The following CPNE7 variants were observed in gnomAD, a reference collection of about 807,000 sequenced individuals.
The protein encoded by CPNE7 is copine-7.
In CPNE7, 78 loss-of-function variants were observed where a neutral mutation model predicts 66.5. That is an observed-to-expected ratio of 1.17 (90% CI 0.98 to 1.42). The LOEUF (loss-of-function observed/expected upper bound fraction) is 1.42. Ranked by LOEUF, CPNE7 falls within the 40% of genes most tolerant of loss-of-function variation. CPNE7 has a pLI of 0.00. For missense variants in CPNE7, 1,012 were observed against 776.6 expected, an observed-to-expected ratio of 1.30 and a Z score of -3.60; for synonymous variants, 468 against 336.7, an observed-to-expected ratio of 1.39 and a Z score of -4.27.
At position 89,596,764 on chromosome 16, in the gene CPNE7, A is replaced by G. The variant is rs1011600846; in HGVS notation, c.*143A>G. Reference sequence around the variant, plus strand: ...AGGCCCCACTCCCAGTCCTCCTGGGATCCTGCTGGCTTGGGCCCGGCTCTG... The same window carrying G: ...AGGCCCCACTCCCAGTCCTCCTGGGGTCCTGCTGGCTTGGGCCCGGCTCTG... On this transcript the variant is annotated 3_prime_UTR_variant, in exon 15 of 15. Coordinates refer to ENST00000319518, the MANE Select transcript of CPNE7 (RefSeq NM_153636.3). 8.1e-6 allele frequency: 9 copies of G among 1,113,960 alleles called. No individual in the cohort carries two copies. The African/African-American group carries it at 1.1e-4, about 14-fold the overall frequency. The allele number at this position is 1,113,960 out of a possible 1,614,324, so 69.0% of individuals were successfully genotyped here.
At chr16:89,592,568 G>A (rs1378034362) in intron 13 of CPNE7, among the ~76,000 whole-genome samples, 25 of 147,214 alleles carry the variant, frequency 1.7e-4, no homozygotes, top group African/African-American at 6.0e-4. Context: ...TCAGCCTCCC[G>A]AGTAGCTGGG....
At chr16:89,578,716 C>T (rs1345206132) in intron 2 of CPNE7, 1 of 1,263,234 alleles carries the variant, frequency 7.9e-7, no homozygotes, top group Non-Finnish European at 1.0e-6. Context: ...GTGGAGATCT[C>T]ACCACTGCAC....
At position 89,584,746 on chromosome 16, in the gene CPNE7, G is replaced by C. The variant is rs761795396; in HGVS notation, c.508-28G>C. ...CCAAAGCCCGATCTCACAGTGCCTG[G>C]CCCAGCAGCCCTTGTGCCTCTCCCC... On this transcript the variant is annotated intron_variant, in intron 4 of 14. Transcript: ENST00000319518. The surrounding 1 kb of genome is among the most constrained non-coding windows in gnomAD (Gnocchi z 6.0). 7.6e-6 allele frequency: 12 copies of C among 1,575,298 alleles called. No homozygotes were observed. The South Asian group carries it at 1.2e-4, about 16-fold the overall frequency.
rs766728645 is a variant in CPNE7 at position 89,576,010 on chromosome 16, C to G, written c.113C>G (p.Pro38Arg). The G allele has an allele frequency of 2.2e-6, 3 of 1,373,402 alleles. No homozygotes were observed. The South Asian group carries it at 4.9e-5, about 22-fold the overall frequency. 85.1% of individuals were successfully genotyped at this position (1,373,402 alleles called of 1,614,324 possible). A position where few individuals can be genotyped will look rare whatever the true frequency, so the allele number is the denominator to read the frequency against. Residue 38 changes from proline to arginine, a missense_variant, in exon 1 of 15, where the codon CCG (proline) becomes CGG (arginine). Transcript: ENST00000319518. ...TGCCGGCACCTGCTGGACCGCGACC[C>G]GCTCACCAAGTCCGACCCCAGCGTG... ...LSCRHLLDRD[P>R]LTKSDPSVAL...
At position 89,589,888 on chromosome 16, in the gene CPNE7, C is replaced by A; in HGVS notation, c.1062-9C>A. 6.2e-7 allele frequency: 1 copy of A among 1,613,774 alleles called. No homozygotes were observed. Among genetic ancestry groups the A allele is most frequent in the South Asian group, 1.1e-5 (1 of 91,074 alleles). On this transcript the variant is annotated splice_polypyrimidine_tract_variant and intron_variant, in intron 10 of 14. Coordinates refer to ENST00000319518, the MANE Select transcript of CPNE7 (RefSeq NM_153636.3). ...AGGGCCTCCTGGTGACCTCCTGCCT[C>A]TCTTCCAGTGACAAGAGGTTTTCCG... is the stretch of plus-strand genomic sequence containing the variant.
intron 2 of CPNE7, among the ~76,000 whole-genome samples, chr16:89,582,747 C>T (rs1318967095): frequency 1.3e-5 from 2 of 152,238 alleles, no homozygotes; most frequent in Non-Finnish European, 2.9e-5. Flanking sequence ...GGAGGGACTG[C>T]CCCTCTCTGC....
At chr16:89,583,008 C>G (rs1444822558) in intron 2 of CPNE7, among the ~76,000 whole-genome samples, 2 of 152,264 alleles carry the variant, frequency 1.3e-5, no homozygotes, top group African/African-American at 4.8e-5. Flanking sequence ...CTGCAGGGGC[C>G]TGGGCCTGTC....
In CPNE7 at chr16:89,584,241, G is replaced by C; in HGVS notation, c.507+139G>C. 1.2e-6 allele frequency: 1 copy of C among 832,568 alleles called. No individual in the cohort carries two copies. The highest frequency in any genetic ancestry group is 2.7e-5 in the East Asian group (1 of 36,808). 51.6% of individuals were successfully genotyped at this position (832,568 alleles called of 1,614,324 possible). A position where few individuals can be genotyped will look rare whatever the true frequency, so the allele number is the denominator to read the frequency against. On this transcript the variant is annotated intron_variant, in intron 4 of 14. Coordinates refer to ENST00000319518, the MANE Select transcript of CPNE7 (RefSeq NM_153636.3). The surrounding 1 kb of genome is among the most constrained non-coding windows in gnomAD (Gnocchi z 6.0). ...GCGGAGTGTGCCTGGGGCTGGGCGT[G>C]CTGCCGTCACGGTCGCCATCATCAC...
intron 9 of CPNE7, among the ~76,000 whole-genome samples, chr16:89,588,357 TA>T (rs2059117078): frequency 6.6e-6 from 1 of 152,166 alleles, no homozygotes; most frequent in Non-Finnish European, 1.5e-5. Flanking sequence ...TTGGTCCACT[TA>T]GGCCCTGCCG....
rs751806482 is a variant in CPNE7 at position 89,584,768 on chromosome 16, C to A, written c.508-6C>A. ...CTGGCCCAGCAGCCCTTGTGCCTCT[C>A]CCCAGGACCTCTTCAGCAAGTCCGA... On this transcript the variant is annotated splice_polypyrimidine_tract_variant and splice_region_variant and intron_variant, in intron 4 of 14. Coordinates refer to ENST00000319518, the MANE Select transcript of CPNE7 (RefSeq NM_153636.3). This position sits in a 1 kb window ranked among gnomAD's most constrained non-coding sequence, Gnocchi z 6.0. 3 of 1,595,166 alleles carry A rather than the reference C, an allele frequency of 1.9e-6. No homozygotes were observed. The highest frequency in any genetic ancestry group is 2.7e-5 in the African/African-American group (2 of 73,724).
chr16:89,585,390 C>T (rs2059017984), intron 5 of CPNE7, 74 bp from the exon 6 acceptor site: 4 of 1,044,582 alleles, frequency 3.8e-6, no homozygotes, highest in Admixed American at 3.8e-5. Flanking sequence ...GCTGCTCTTC[C>T]ACCCAGGTCT....
At chr16:89,592,385 C>G (rs1318169630) in intron 13 of CPNE7, among the ~76,000 whole-genome samples, 1 of 151,526 alleles carries the variant, frequency 6.6e-6, no homozygotes, top group African/African-American at 2.4e-5. Flanking sequence ...CCAACAGCTG[C>G]TCACACATTG....
chr16:89,596,702 G>T lies in CPNE7; in HGVS notation c.*81G>T, dbSNP rs992031599. 7.1e-7 allele frequency: 1 copy of T among 1,411,258 alleles called. No homozygotes were observed. Among genetic ancestry groups the T allele is most frequent in the South Asian group, 1.5e-5 (1 of 66,130 alleles). 87.4% of individuals were successfully genotyped at this position (1,411,258 alleles called of 1,614,324 possible). ...CTGCAACATGCTTGGGGTCCCTTAA[G>T]CTCCCTCCGACCTCCCAGAAGCCTC... On this transcript the variant is annotated 3_prime_UTR_variant, in exon 15 of 15. Transcript: ENST00000319518.
chr16:89,595,604 G>C lies in CPNE7; in HGVS notation c.1539+1G>C, dbSNP rs200107154. On this transcript the variant is annotated splice_donor_variant, in intron 14 of 14. Transcript: ENST00000319518. LOFTEE classifies it high-confidence loss of function. ...CGTGCCCTTCCGGGAGCTCAAGAACGTGAGTGTCCTGGAGGGGCTCCGTCA... is the reference window on the plus strand; with the variant it reads ...CGTGCCCTTCCGGGAGCTCAAGAACCTGAGTGTCCTGGAGGGGCTCCGTCA... 3.1e-6 allele frequency: 5 copies of C among 1,599,396 alleles called. No homozygotes were observed. The South Asian group carries it at 4.4e-5, about 14-fold the overall frequency.
In CPNE7 at chr16:89,595,513, G is replaced by A. The variant is rs1490737246; in HGVS notation, c.1449G>A (p.Leu483=). The stretch of plus-strand genomic sequence containing the variant: ...CCGACTTCACCGACATGCAGGTCCT[G>A]GACGGCGACGACGGCGTCCTGCGCT... ...GNADFTDMQV[L]DGDDGVLRSP... Residue 483 remains leucine, a synonymous_variant, in exon 14 of 15, where the codon CTG becomes CTA. Coordinates refer to ENST00000319518, the MANE Select transcript of CPNE7 (RefSeq NM_153636.3). 2.5e-6 allele frequency: 4 copies of A among 1,612,654 alleles called. No homozygotes were observed. The highest frequency in any genetic ancestry group is 1.7e-5 in the Admixed American group (1 of 60,002).
chr16:89,583,326 A>G, intron 2 of CPNE7: 4 of 969,930 alleles, frequency 4.1e-6, no homozygotes, highest in Non-Finnish European at 6.4e-6. Flanking sequence ...GGAGAGGGTC[A>G]GGGCAGCCCT....
chr16:89,595,878 C>T (rs527338931), intron 14 of CPNE7: 28 of 609,400 alleles, frequency 4.6e-5, no homozygotes, highest in African/African-American at 4.0e-4. Flanking sequence ...CGGCTTCCCC[C>T]GTTGCTGCCA....
rs151085302 is a variant in CPNE7, at chr16:89,589,938, C to G, written c.1103C>G (p.Pro368Arg). The change falls in exon 11 of 15, where the codon CCT becomes CGT. Residue 368 changes from proline to arginine, a missense_variant. Physicochemically the swap from Pro to Arg is moderately radical, Grantham distance 103. Transcript: ENST00000319518. ...FSALGFGARIPPKYEVSHDFA... is the reference protein window; with the variant it reads ...FSALGFGARIRPKYEVSHDFA... ...GCTTTGGGGTTTGGAGCCCGGATCCCTCCCAAGTATGAGGTAGGAGAGCCC... is the reference window on the plus strand; with the variant it reads ...GCTTTGGGGTTTGGAGCCCGGATCCGTCCCAAGTATGAGGTAGGAGAGCCC... 1.2e-6 allele frequency: 2 copies of G among 1,613,676 alleles called. No individual in the cohort carries two copies. The highest frequency in any genetic ancestry group is 1.7e-6 in the Non-Finnish European group (2 of 1,179,962).
At chr16:89,592,508 T>C (rs1391128404) in intron 13 of CPNE7, among the ~76,000 whole-genome samples, 1 of 149,054 alleles carries the variant, frequency 6.7e-6, no homozygotes, top group African/African-American at 2.5e-5. Context: ...AGTGGTGCAA[T>C]CTCGGCTCAC....
Sources: gnomAD v4.1 joint callset for allele counts (sites outside exome capture counted in the v4.1 genomes callset) on GRCh38, gnomAD v4.1.1 for gene constraint, Gnocchi (gnomAD v3.1) non-coding constraint, MANE v1.5 for transcripts, NCBI Gene and HGNC (gene_info 2026-07-23, HGNC 2026-07-21) for gene names.